The following DNAH10 variants were observed in gnomAD, a reference collection of about 807,000 sequenced individuals.
The protein encoded by DNAH10 is axonemal beta dynein heavy chain 10.
DNAH10 carries 348 observed loss-of-function variants against 506.6 expected under a neutral mutation model. The observed-to-expected ratio is 0.69, with a 90% CI of 0.63 to 0.75. The LOEUF is 0.75. Among genes scored for constraint, DNAH10 ranks in the 30% least tolerant of loss-of-function variants. DNAH10 has a pLI of 0.00. For missense variants in DNAH10, 5,179 were observed against 5,787.1 expected (o/e 0.89, Z 3.41); for synonymous variants, 2,059 against 2,198.6 (o/e 0.94, Z 1.78).
chr12:123,813,953 T>C (rs1370185841), intron 21 of DNAH10, 41 bp downstream of exon 21: 2 of 1,534,152 alleles, frequency 1.3e-6, no homozygotes, highest in Non-Finnish European at 1.7e-6. Context: ...AACAATTGGA[T>C]TGACCACTAA....
At chr12:123,882,981 G>A (rs916920117) in intron 51 of DNAH10, among the ~76,000 whole-genome samples, 4 of 152,044 alleles carry the variant, frequency 2.6e-5, no homozygotes, top group Non-Finnish European at 5.9e-5. Flanking sequence ...TAGTGTGTGT[G>A]TCTATTTTGT....
chr12:123,838,623 T>TGAC lies in DNAH10; in HGVS notation c.5073_5075dup (p.Asp1692dup). ...CTTTCCCAAGGTTCTTCTTCATTTC[T>TGAC]GACGATGAGTTGCTTAGCATTCTGG... On this transcript the variant is annotated inframe_insertion, in exon 29 of 79. Transcript: ENST00000673944. The TGAC allele has an allele frequency of 6.2e-7, 1 of 1,614,046 alleles. No homozygotes were observed. The highest frequency in any genetic ancestry group is 1.7e-5 in the Admixed American group (1 of 60,036).
chr12:123,914,456 C>T lies in DNAH10; in HGVS notation c.10480C>T (p.Arg3494Trp), dbSNP rs774612953. The change falls in exon 61 of 79, where the codon CGG becomes TGG. Residue 3494 changes from arginine to tryptophan, a missense_variant. Coordinates refer to ENST00000673944, the MANE Select transcript of DNAH10 (RefSeq NM_001372106.1). ...TWEFRDEMVN[R>W]IWQNDILERE... ...GGAGTTCCGTGACGAGATGGTCAATCGGATTTGGCAAAATGACATCCTGGA... is the reference window on the plus strand; with the variant it reads ...GGAGTTCCGTGACGAGATGGTCAATTGGATTTGGCAAAATGACATCCTGGA... 15 of 1,613,674 alleles carry T rather than the reference C, an allele frequency of 9.3e-6. No homozygotes were observed. Among genetic ancestry groups the T allele is most frequent in the Admixed American group, 5.0e-5 (3 of 60,010 alleles).
At chr12:123,887,500 C>T (rs1952790028) in intron 52 of DNAH10, among the ~76,000 whole-genome samples, 187 bp downstream of exon 52, 1 of 152,108 alleles carries the variant, frequency 6.6e-6, no homozygotes, top group African/African-American at 2.4e-5. Context: ...CCTGGAGTCT[C>T]CCGAGTGTGC....
At position 123,926,599 on chromosome 12, in the gene DNAH10, C is replaced by T. The variant is rs1954953904; in HGVS notation, c.11922-38C>T. 1 of 1,598,156 alleles carries T rather than the reference C, an allele frequency of 6.3e-7. No homozygotes were observed. Among genetic ancestry groups the T allele is most frequent in the Non-Finnish European group, 8.5e-7 (1 of 1,171,634 alleles). ...GACCAGCCCCTGGTCTGGAGCTGTC[C>T]TCGCGGGAGAGTTTTCTGACTGTGT... On this transcript the variant is annotated intron_variant, in intron 68 of 78. Transcript: ENST00000673944. This position sits in a 1 kb window ranked among gnomAD's most constrained non-coding sequence, Gnocchi z 4.1.
intron 1 of DNAH10, among the ~76,000 whole-genome samples, chr12:123,765,564 T>C (rs866070027): frequency 0.023 from 3,405 of 149,388 alleles, 85 homozygotes; most frequent in African/African-American, 0.061. Context: ...TATCTATACT[T>C]TATCTATCTA....
rs576493851 is a variant in DNAH10, at chr12:123,819,137, G to C, written c.3898-11G>C. 5 of 1,611,674 alleles carry C rather than the reference G, an allele frequency of 3.1e-6. No homozygotes were observed. In the South Asian group the frequency reaches 5.5e-5, roughly 18 times the overall value. Reference sequence around the variant, plus strand: ...ATTTGGGCTAAATTAATGTAACCTCGTTTTTCTCAGCTTACTCGAGGCGAA... The same window carrying C: ...ATTTGGGCTAAATTAATGTAACCTCCTTTTTCTCAGCTTACTCGAGGCGAA... On this transcript the variant is annotated splice_polypyrimidine_tract_variant and intron_variant, in intron 22 of 78. Coordinates refer to ENST00000673944, the MANE Select transcript of DNAH10 (RefSeq NM_001372106.1).
chr12:123,862,102 T>C lies in DNAH10; in HGVS notation c.6908+932T>C, dbSNP rs139273082. 2.7e-3 allele frequency among the ~76,000 whole-genome samples: 409 copies of C among 152,330 alleles called. 2 individuals carry two copies. The highest frequency in any genetic ancestry group is 0.01 in the Middle Eastern group (3 of 294). On this transcript the variant is annotated intron_variant, in intron 39 of 78. Transcript: ENST00000673944. ...CAGGAAGGCTGCAGGAGTGATGCTG[T>C]GTCCTTCTCCGCATCTCATCACGGG...
chr12:123,793,341 CTTT>C (rs899753911), intron 11 of DNAH10, among the ~76,000 whole-genome samples: 3 of 140,424 alleles, frequency 2.1e-5, no homozygotes, highest in Admixed American at 7.2e-5. Flanking sequence ...TAGTTACTGT[CTTT>C]TTTTTTTTTT....
At chr12:123,823,416 T>A (rs1959633539) in intron 24 of DNAH10, among the ~76,000 whole-genome samples, 1 of 151,944 alleles carries the variant, frequency 6.6e-6, no homozygotes, top group Non-Finnish European at 1.5e-5. Context: ...GCAGAAGGGA[T>A]GGGAGCTTGC....
intron 23 of DNAH10, among the ~76,000 whole-genome samples, chr12:123,819,921 T>A (rs987928548): frequency 6.6e-6 from 1 of 151,970 alleles, no homozygotes; most frequent in East Asian, 1.9e-4. Flanking sequence ...GCCAGGCTGG[T>A]CTTGAACTCC....
Position 123,928,255 on chromosome 12 carries a change from TG to T in DNAH10, c.12106-130del. The T allele has an allele frequency of 9.8e-7, 1 of 1,023,124 alleles. No homozygotes were observed. The highest frequency in any genetic ancestry group is 1.4e-6 in the Non-Finnish European group (1 of 713,294). The allele number at this position is 1,023,124 out of a possible 1,614,324, so 63.4% of individuals were successfully genotyped here. A position where few individuals can be genotyped will look rare whatever the true frequency, so the allele number is the denominator to read the frequency against. ...ATTTGAAGGCTCCACCTGTAGCTCC[TG>T]GATCCTCGGCTTGCTTTTGGCTTCT... On this transcript the variant is annotated intron_variant, in intron 69 of 78. Coordinates refer to ENST00000673944, the MANE Select transcript of DNAH10 (RefSeq NM_001372106.1). The surrounding 1 kb of genome is among the most constrained non-coding windows in gnomAD (Gnocchi z 4.9).
chr12:123,871,706 C>T (rs1952043854), intron 45 of DNAH10, 104 bp downstream of exon 45: 32 of 1,374,700 alleles, frequency 2.3e-5, no homozygotes, highest in East Asian at 1.5e-4. Flanking sequence ...TTCCGTGGGT[C>T]GAGAATGTGG....
In DNAH10 at chr12:123,796,785, C is replaced by G; in HGVS notation, c.2116C>G (p.Arg706Gly). The G allele has an allele frequency of 6.2e-7, 1 of 1,614,032 alleles. No individual in the cohort carries two copies. Among genetic ancestry groups the G allele is most frequent in the Non-Finnish European group, 8.5e-7 (1 of 1,179,996 alleles). The stretch of plus-strand genomic sequence containing the variant: ...CTTTCGGATTAAGCATACCATCCTC[C>G]GATTTCAAGAGGTACAAGAGATACT... ...LFFRIKHTIL[R>G]FQEVQEILDS... is the part of the protein sequence containing the mutation. Residue 706 changes from arginine (R) to glycine (G), a missense_variant, in exon 13 of 79, where the codon CGA becomes GGA. Arg to Gly is a moderately radical substitution (Grantham distance 125). Coordinates refer to ENST00000673944, the MANE Select transcript of DNAH10 (RefSeq NM_001372106.1).
intron 17 of DNAH10, among the ~76,000 whole-genome samples, 159 bp from the exon 18 acceptor site, chr12:123,804,674 C>CT (rs1377233424): frequency 6.6e-6 from 1 of 152,032 alleles, no homozygotes; most frequent in Non-Finnish European, 1.5e-5. Context: ...TTATTTGTTG[C>CT]TTAGTGTGTG....
At chr12:123,780,075 A>G (rs1008342024) in intron 5 of DNAH10, among the ~76,000 whole-genome samples, 4 of 142,340 alleles carry the variant, frequency 2.8e-5, no homozygotes, top group African/African-American at 1.1e-4. Flanking sequence ...TTCAAGAACA[A>G]GATGGTCCTG....
Position 123,918,837 on chromosome 12 carries a change from A to G in DNAH10, c.11394A>G (p.Leu3798=), listed in dbSNP as rs771853529. Residue 3798 remains leucine, a synonymous_variant, in exon 65 of 79, where the codon TTA becomes TTG. Coordinates refer to ENST00000673944, the MANE Select transcript of DNAH10 (RefSeq NM_001372106.1). The stretch of plus-strand genomic sequence containing the variant: ...ACCAGTACTCCCTGATTGCCTTCTT[A>G]GAGGTCTTCAGGCTGTCACTGAAGA... ...SMYQYSLIAF[L]EVFRLSLKKS... is the part of the protein sequence containing the mutation. 16 of 1,613,810 alleles carry G rather than the reference A, an allele frequency of 9.9e-6. No homozygotes were observed. The highest frequency in any genetic ancestry group is 1.3e-5 in the Non-Finnish European group (15 of 1,179,886).
Position 123,781,193 on chromosome 12 carries a change from TG to T in DNAH10, c.739del (p.Glu247ArgfsTer3). On this transcript the variant is annotated frameshift_variant, in exon 6 of 79. Transcript: ENST00000673944. LOFTEE classifies it high-confidence loss of function. ...EHESDLPPMP[G>X]EAVEYHSIQL... Reference sequence around the variant, plus strand: ...ATGAATCAGACCTGCCGCCCATGCCTGGGGAGGCAGTAGAATATCACAGTAT... The same window carrying T: ...ATGAATCAGACCTGCCGCCCATGCCTGGGAGGCAGTAGAATATCACAGTAT... 6.2e-7 allele frequency: 1 copy of T among 1,613,948 alleles called. No individual in the cohort carries two copies. Among genetic ancestry groups the T allele is most frequent in the Non-Finnish European group, 8.5e-7 (1 of 1,179,870 alleles).
At position 123,800,352 on chromosome 12, in the gene DNAH10, C is replaced by T. The variant is rs376748704; in HGVS notation, c.2426C>T (p.Ala809Val). The T allele has an allele frequency of 7.4e-6, 12 of 1,613,810 alleles. No homozygotes were observed. The highest frequency in any genetic ancestry group is 1.0e-5 in the Non-Finnish European group (12 of 1,179,984). Residue 809 changes from alanine (A) to valine (V), a missense_variant, in exon 15 of 79, where the codon GCA becomes GTA. Around this residue, in one of 3 missense-constraint regions of DNAH10, gnomAD observed 4,844 missense variants for 5,430.5 expected, o/e 0.89. Coordinates refer to ENST00000673944, the MANE Select transcript of DNAH10 (RefSeq NM_001372106.1). The stretch of plus-strand genomic sequence containing the variant: ...CTGGGGTTCACTGTCCCTGAATTAG[C>T]AAGAAATGTTGCTCTCCAGGAAGAC... ...EQLGFTVPEL[A>V]RNVALQEDKF...
Sources: gnomAD v4.1 joint callset for allele counts (sites outside exome capture counted in the v4.1 genomes callset) on GRCh38, gnomAD v4.1.1 for gene constraint, gnomAD v4.1.1 regional missense constraint, Gnocchi (gnomAD v3.1) non-coding constraint, MANE v1.5 for transcripts, NCBI Gene and HGNC (gene_info 2026-07-23, HGNC 2026-07-21) for gene names.